Variants in VWA3B observed in about 807,000 individuals in gnomAD.
The protein encoded by VWA3B is von Willebrand factor A domain-containing protein 3B.
In VWA3B, 138 loss-of-function variants were observed where a neutral mutation model predicts 158.3. The observed-to-expected ratio is 0.87, with a 90% CI of 0.76 to 1.00. The LOEUF (loss-of-function observed/expected upper bound fraction) is 1.00. Among genes scored for constraint, VWA3B ranks in the 50% least tolerant of loss-of-function variants. VWA3B has a pLI of 0.00. For synonymous variants in VWA3B, 596 were observed against 587.3 expected, an observed-to-expected ratio of 1.01 and a Z score of -0.21; for missense variants, 1,555 against 1,565.1, an observed-to-expected ratio of 0.99 and a Z score of 0.11.
chr2:98,307,346 A>G (rs1380511645), intron 26 of VWA3B, among the ~76,000 whole-genome samples: 2 of 152,174 alleles, frequency 1.3e-5, no homozygotes, highest in African/African-American at 4.8e-5. Context: ...GGGACCTCAC[A>G]TTCTGTATTT....
chr2:98,112,283 T>TGTGTGTGTGTGTGTGTGG (rs1674193014), intron 2 of VWA3B, among the ~76,000 whole-genome samples: 1 of 33,060 alleles, frequency 3.0e-5, no homozygotes, highest in African/African-American at 8.1e-4. Flanking sequence ...CTGTTTGGGG[T>TGTGTGTGTGTGTGTGTGG]GTGTGTGTGT....
chr2:98,236,685 T>C lies in VWA3B; in HGVS notation c.2628T>C (p.Tyr876=), dbSNP rs1191681181. 6.2e-7 allele frequency: 1 copy of C among 1,614,254 alleles called. No homozygotes were observed. The highest frequency in any genetic ancestry group is 8.5e-7 in the Non-Finnish European group (1 of 1,180,050). Residue 876 remains tyrosine (Y), a synonymous_variant, in exon 19 of 28, where the codon TAT becomes TAC. Coordinates refer to ENST00000477737, the MANE Select transcript of VWA3B (RefSeq NM_144992.5). ...CAGCAGTCCCGCACAGCTCCACCTA[T>C]GTTCCCGTCCTGGACAAGCATGTCG... ...SVAAVPHSST[Y]VPVLDKHVVS... is the part of the protein sequence containing the mutation.
chr2:98,192,070 T>C (rs1681632456), intron 10 of VWA3B, among the ~76,000 whole-genome samples: 1 of 152,256 alleles, frequency 6.6e-6, no homozygotes, highest in African/African-American at 2.4e-5. Context: ...GGCTGCTTGA[T>C]GCTGTCCATA....
intron 20 of VWA3B, among the ~76,000 whole-genome samples, chr2:98,253,573 A>C (rs1290681927): frequency 6.6e-6 from 1 of 152,168 alleles, no homozygotes; most frequent in Non-Finnish European, 1.5e-5. Flanking sequence ...CACAGCTCTC[A>C]GATCACAGAA....
intron 6 of VWA3B, among the ~76,000 whole-genome samples, chr2:98,128,639 A>G (rs896153222): frequency 6.6e-6 from 1 of 152,180 alleles, no homozygotes; most frequent in African/African-American, 2.4e-5. Flanking sequence ...CTGGTCCAGG[A>G]GACCCTGTCC....
intron 25 of VWA3B, among the ~76,000 whole-genome samples, chr2:98,301,086 C>A (rs982847121): frequency 6.6e-6 from 1 of 151,966 alleles, no homozygotes; most frequent in African/African-American, 2.4e-5. Flanking sequence ...GTCAGGAGAT[C>A]GAGACCATCC....
intron 1 of VWA3B, among the ~76,000 whole-genome samples, chr2:98,092,642 CA>C (rs1314606844): frequency 1.3e-5 from 2 of 151,282 alleles, no homozygotes; most frequent in African/African-American, 4.9e-5. Context: ...GACTCCTTCT[CA>C]AAAACAAATG....
intron 7 of VWA3B, among the ~76,000 whole-genome samples, chr2:98,136,099 C>T (rs1267844670): frequency 1.3e-5 from 2 of 152,144 alleles, no homozygotes; most frequent in Non-Finnish European, 2.9e-5. Context: ...AAGGAATTTC[C>T]TGCTATTATT....
At chr2:98,300,291 TTGA>T in intron 25 of VWA3B, 75 bp downstream of exon 25, 2 of 1,586,890 alleles carry the variant, frequency 1.3e-6, no homozygotes, top group South Asian at 2.3e-5. Flanking sequence ...GCCAGGCTTC[TTGA>T]TGAATGGTTT....
intron 7 of VWA3B, among the ~76,000 whole-genome samples, chr2:98,142,304 C>T (rs1224316654): frequency 6.6e-6 from 1 of 152,146 alleles, no homozygotes; most frequent in Admixed American, 6.5e-5. Context: ...CAGGCTTCCT[C>T]CCAGGGTGCT....
intron 7 of VWA3B, among the ~76,000 whole-genome samples, chr2:98,138,619 T>C (rs1038664533): frequency 6.6e-6 from 1 of 152,156 alleles, no homozygotes; most frequent in African/African-American, 2.4e-5. Flanking sequence ...CATCTGCACC[T>C]CCTGAAGCAA....
intron 5 of VWA3B, among the ~76,000 whole-genome samples, chr2:98,124,683 ACTTT>A (rs1400366613): frequency 1.3e-5 from 2 of 152,140 alleles, no homozygotes; most frequent in Non-Finnish European, 2.9e-5. Flanking sequence ...GTTCTGGTTG[ACTTT>A]CTTTTTGCTC....
intron 2 of VWA3B, among the ~76,000 whole-genome samples, chr2:98,112,303 GGTGT>G (rs956197294): frequency 2.9e-5 from 4 of 136,832 alleles, no homozygotes; most frequent in Non-Finnish European, 4.8e-5. Context: ...TGTGTGTGTG[GGTGT>G]GTGTGTGTGT....
At chr2:98,179,396 G>C in intron 8 of VWA3B, 1 of 403,880 alleles carries the variant, frequency 2.5e-6, no homozygotes, top group Non-Finnish European at 4.9e-6. Flanking sequence ...GAGATGTTTA[G>C]GCAATTGGCA....
At chr2:98,146,663 C>T (rs901063419) in intron 7 of VWA3B, among the ~76,000 whole-genome samples, 17 of 152,314 alleles carry the variant, frequency 1.1e-4, no homozygotes, top group African/African-American at 3.6e-4. Flanking sequence ...TCTGTGCTTT[C>T]TTCTGCATTG....
At chr2:98,246,161 T>G (rs938790398) in intron 19 of VWA3B, among the ~76,000 whole-genome samples, 7 of 152,116 alleles carry the variant, frequency 4.6e-5, no homozygotes, top group Non-Finnish European at 7.4e-5. Context: ...AAAAGTCCTA[T>G]CTACCTTCTT....
chr2:98,281,103 T>G (rs1332844368), intron 22 of VWA3B, among the ~76,000 whole-genome samples: 5 of 152,226 alleles, frequency 3.3e-5, no homozygotes, highest in Non-Finnish European at 7.3e-5. Flanking sequence ...TCTATTTTCC[T>G]GTAAGCTCTT....
chr2:98,272,138 G>A (rs1294169495), intron 22 of VWA3B, among the ~76,000 whole-genome samples: 3 of 152,134 alleles, frequency 2.0e-5, no homozygotes, highest in African/African-American at 4.8e-5. Flanking sequence ...CACAGGTTGA[G>A]GGCTCAGTCC....
At chr2:98,128,481 C>A in intron 6 of VWA3B, 73 bp downstream of exon 6, 2 of 1,522,602 alleles carry the variant, frequency 1.3e-6, no homozygotes, top group Non-Finnish European at 1.8e-6. Context: ...GTGGGTCTTG[C>A]ATTCTTCGTG....
Sources: allele counts gnomAD v4.1 joint callset (sites outside exome capture counted in the v4.1 genomes callset), GRCh38; gene constraint gnomAD v4.1.1; transcripts MANE v1.5; gene names NCBI Gene and HGNC (gene_info 2026-07-23, HGNC 2026-07-21).